PEAK1: variants seen among roughly 807,000 people sequenced by gnomAD.
PEAK1 encodes pseudopodium enriched atypical kinase 1, also known as inactive tyrosine-protein kinase PEAK1.
A neutral mutation model predicts 124.7 loss-of-function variants in PEAK1; 54 were observed. That is an observed-to-expected ratio of 0.43 (90% confidence interval 0.35 to 0.54). The LOEUF (loss-of-function observed/expected upper bound fraction) is 0.54. PEAK1 is among the 20% of genes least tolerant of loss of function. PEAK1 has a pLI of 0.01. For synonymous variants in PEAK1, 719 were observed against 760.0 expected, an observed-to-expected ratio of 0.95 and a Z score of 0.89; for missense variants, 2,046 against 2,134.5, an observed-to-expected ratio of 0.96 and a Z score of 0.82.
chr15:77,194,036 C>A (rs759356033), intron 6 of PEAK1, among the ~76,000 whole-genome samples: 17 of 152,154 alleles, frequency 1.1e-4, no homozygotes, highest in Non-Finnish European at 2.1e-4. Context: ...CCTTTCCAAA[C>A]ACAACTAATT....
chr15:77,222,269 T>G (rs935142411), intron 6 of PEAK1, among the ~76,000 whole-genome samples: 2 of 152,116 alleles, frequency 1.3e-5, no homozygotes, highest in Admixed American at 6.6e-5. Flanking sequence ...TCTTTCTCTC[T>G]TCTTGTTTGC....
intron 2 of PEAK1, among the ~76,000 whole-genome samples, chr15:77,331,441 T>G (rs2065886336): frequency 6.6e-6 from 1 of 152,134 alleles, no homozygotes. Context: ...ATTTTCTATT[T>G]TAACTATTTA....
In PEAK1 at chr15:77,334,606, C is replaced by T. The variant is rs1003612327; in HGVS notation, c.-603+30557G>A. On this transcript the variant is annotated intron_variant, in intron 2 of 9. Transcript: ENST00000682557. ...ATATTGTCTCTAGCATAAATGCCTA[C>T]AATTACGAAAAGTCCAGCAGGAAAT... 1.2e-5 allele frequency: 12 copies of T among 985,280 alleles called. No homozygotes were observed. The African/African-American group carries it at 2.1e-4, about 17-fold the overall frequency. 61.0% of individuals were successfully genotyped at this position (985,280 alleles called of 1,614,324 possible). A position where few individuals can be genotyped will look rare whatever the true frequency, so the allele number is the denominator to read the frequency against.
In PEAK1 at chr15:77,315,635, TA is replaced by T. The variant is rs761981377; in HGVS notation, c.-602-29132del. On this transcript the variant is annotated intron_variant, in intron 2 of 9. Transcript: ENST00000682557. ...ATGAGTAAAAAAAATAAAAATAAAA[TA>T]AAAAATAAAAAAATAAAAATCAACA... is the stretch of plus-strand genomic sequence containing the variant. 1.6e-4 allele frequency among the ~76,000 whole-genome samples: 24 copies of T among 149,744 alleles called. 1 individual carries two copies. The highest frequency in any genetic ancestry group is 3.0e-4 in the Non-Finnish European group (20 of 67,168).
At chr15:77,282,486 G>C (rs1229217533) in intron 5 of PEAK1, among the ~76,000 whole-genome samples, 2 of 152,094 alleles carry the variant, frequency 1.3e-5, no homozygotes, top group Non-Finnish European at 1.5e-5. Context: ...CATGCCTTCT[G>C]AATCACAAGG....
At chr15:77,223,886 A>ATTTTTTTTTTTTTTTTTTTTTTTTTT (rs10719377) in intron 6 of PEAK1, among the ~76,000 whole-genome samples, 1 of 121,608 alleles carries the variant, frequency 8.2e-6, no homozygotes, top group African/African-American at 3.0e-5. Context: ...CATTTGAGAG[A>ATTTTTTTTTTTTTTTTTTTTTTTTTT]TTTTTTTTTT....
chr15:77,332,832 G>T (rs2065975130), intron 2 of PEAK1, among the ~76,000 whole-genome samples: 2 of 151,782 alleles, frequency 1.3e-5, no homozygotes, highest in East Asian at 3.9e-4. Context: ...TTTATCAGTA[G>T]ATTTTAAAAG....
At chr15:77,327,856 A>C (rs2153027602) in intron 2 of PEAK1, among the ~76,000 whole-genome samples, 1 of 152,220 alleles carries the variant, frequency 6.6e-6, no homozygotes, top group Middle Eastern at 3.4e-3. Flanking sequence ...CACATTTTGA[A>C]GATTTAAGAA....
At chr15:77,392,774 C>T (rs917576494) in intron 1 of PEAK1, among the ~76,000 whole-genome samples, 1 of 152,178 alleles carries the variant, frequency 6.6e-6, no homozygotes, top group Non-Finnish European at 1.5e-5. Flanking sequence ...CCTGCAGGAA[C>T]ACCAAATTGA....
At chr15:77,281,900 T>C (rs576717326) in intron 5 of PEAK1, among the ~76,000 whole-genome samples, 2 of 152,326 alleles carry the variant, frequency 1.3e-5, no homozygotes, top group South Asian at 2.1e-4. Context: ...TTCTCCTTTA[T>C]TACCTATACT....
At chr15:77,160,347 C>G (rs2055522277) in intron 7 of PEAK1, among the ~76,000 whole-genome samples, 1 of 152,148 alleles carries the variant, frequency 6.6e-6, no homozygotes, top group Non-Finnish European at 1.5e-5. Context: ...GAAACCATTT[C>G]TAGTTTCAAA....
chr15:77,222,419 C>CAT (rs1448273902), intron 6 of PEAK1, among the ~76,000 whole-genome samples: 4 of 151,916 alleles, frequency 2.6e-5, no homozygotes, highest in Admixed American at 6.6e-5. Flanking sequence ...CCAAGTGTTT[C>CAT]ATATATATTA....
intron 1 of PEAK1, chr15:77,419,700 C>T: frequency 2.0e-6 from 2 of 983,594 alleles, no homozygotes; most frequent in Non-Finnish European, 2.4e-6. Context: ...CCCAACTTTC[C>T]TTCCTCTGGG....
intron 1 of PEAK1, among the ~76,000 whole-genome samples, chr15:77,398,729 C>T (rs2071106240): frequency 6.6e-6 from 1 of 152,130 alleles, no homozygotes; most frequent in African/African-American, 2.4e-5. Context: ...ACTTTCACCA[C>T]TGTTATTCAA....
chr15:77,241,091 T>A (rs1328778652), intron 6 of PEAK1, among the ~76,000 whole-genome samples: 1 of 152,040 alleles, frequency 6.6e-6, no homozygotes, highest in African/African-American at 2.4e-5. Context: ...AACACAAACA[T>A]CTCAACAAAA....
chr15:77,402,146 C>T, intron 1 of PEAK1: 1 of 952,574 alleles, frequency 1.0e-6, no homozygotes, highest in Non-Finnish European at 1.2e-6. Context: ...TTGTAGTGAG[C>T]CAAGAGGGAC....
intron 2 of PEAK1, chr15:77,352,585 A>C (rs1309824237): frequency 1.1e-6 from 1 of 944,858 alleles, no homozygotes; most frequent in African/African-American, 1.8e-5. Flanking sequence ...TATATATAAA[A>C]CTACAAATTG....
At chr15:77,337,984 A>G in intron 2 of PEAK1, 1 of 984,364 alleles carries the variant, frequency 1.0e-6, no homozygotes, top group Non-Finnish European at 1.2e-6. Flanking sequence ...CACTTTCTGG[A>G]ACCTATAATA....
At chr15:77,243,973 TAA>T (rs566829498) in intron 6 of PEAK1, among the ~76,000 whole-genome samples, 11 of 110,532 alleles carry the variant, frequency 1.0e-4, no homozygotes, top group Non-Finnish European at 1.4e-4. Flanking sequence ...TTTCTCAAAA[TAA>T]AAAAAAAAAA....
Sources: gnomAD v4.1 joint callset for allele counts (sites outside exome capture counted in the v4.1 genomes callset) on GRCh38, gnomAD v4.1.1 for gene constraint, MANE v1.5 for transcripts, NCBI Gene and HGNC (gene_info 2026-07-23, HGNC 2026-07-21) for gene names.